The following CYP4F2 variants were observed in gnomAD, a reference collection of about 807,000 sequenced individuals.
The protein encoded by CYP4F2 is cytochrome P450 4F2.
In CYP4F2, 58 loss-of-function variants were observed where a neutral mutation model predicts 58.9. That is an observed-to-expected ratio of 0.98 (90% CI 0.80 to 1.23). The LOEUF is 1.23. Among genes scored for constraint, CYP4F2 ranks in the 50% most tolerant of loss-of-function variants. The pLI, the probability that CYP4F2 is intolerant of heterozygous loss-of-function variation, is 0.00. For missense variants in CYP4F2, 616 were observed against 685.6 expected, an observed-to-expected ratio of 0.90 and a Z score of 1.13; for synonymous variants, 287 against 261.1, an observed-to-expected ratio of 1.10 and a Z score of -0.95.
chr19:15,891,394 A>G (rs2145010796), intron 5 of CYP4F2, among the ~76,000 whole-genome samples: 1 of 152,216 alleles, frequency 6.6e-6, no homozygotes. Flanking sequence ...TTTGTCTCTG[A>G]CCCAGGAGTC....
chr19:15,896,230 T>TTAGC (rs1387483979), intron 2 of CYP4F2, among the ~76,000 whole-genome samples: 3 of 119,768 alleles, frequency 2.5e-5, no homozygotes, highest in South Asian at 3.1e-4. Context: ...ATCTATCCTA[T>TTAGC]TAGCTATCTA....
At chr19:15,879,144 G>A (rs1324129644) in intron 12 of CYP4F2, among the ~76,000 whole-genome samples, 2 of 152,170 alleles carry the variant, frequency 1.3e-5, no homozygotes, top group Non-Finnish European at 2.9e-5. Flanking sequence ...AGGTGGGGTA[G>A]GAGGGGGCTC....
intron 9 of CYP4F2, among the ~76,000 whole-genome samples, chr19:15,883,687 T>C (rs145709475): frequency 6.6e-6 from 1 of 152,236 alleles, no homozygotes; most frequent in Admixed American, 6.5e-5. Context: ...GAGATATCTA[T>C]ACTTCCGTAT....
chr19:15,891,464 T>TAA (rs139717116), intron 5 of CYP4F2, among the ~76,000 whole-genome samples: 1 of 150,126 alleles, frequency 6.7e-6, no homozygotes. Context: ...ATTTGCAAGT[T>TAA]AAAAAAAAAA....
At chr19:15,888,277 C>G (rs1463980012) in intron 7 of CYP4F2, among the ~76,000 whole-genome samples, 1 of 152,014 alleles carries the variant, frequency 6.6e-6, no homozygotes. Context: ...CAGATAGACA[C>G]AGACGCACAC....
At chr19:15,892,803 G>A (rs903317625) in intron 3 of CYP4F2, among the ~76,000 whole-genome samples, 6 of 152,158 alleles carry the variant, frequency 3.9e-5, no homozygotes, top group African/African-American at 1.2e-4. Flanking sequence ...CTAACATGGC[G>A]TGTAGGAGCT....
chr19:15,895,399 G>T, intron 3 of CYP4F2, 107 bp downstream of exon 3: 2 of 1,329,010 alleles, frequency 1.5e-6, no homozygotes, highest in Non-Finnish European at 2.0e-6. Flanking sequence ...ATAGCTGAGA[G>T]GGAAGGAAAG....
In CYP4F2 at chr19:15,878,812, C is replaced by A. The variant is rs775972932; in HGVS notation, c.1522G>T (p.Ala508Ser). 3.1e-6 allele frequency: 5 copies of A among 1,613,888 alleles called. No homozygotes were observed. The highest frequency in any genetic ancestry group is 2.2e-5 in the East Asian group (1 of 44,846). Residue 508 changes from alanine to serine, a missense_variant, in exon 13 of 13, where the codon GCA (alanine) becomes TCA (serine). Transcript: ENST00000221700. ...PRRKPELVLR[A>S]EGGLWLRVEP... ...ACCCGCAGCCAAAGTCCGCCCTCTG[C>A]GCGCAGGACCAGCTCCGGCTTCCTG...
chr19:15,892,279 C>T lies in CYP4F2; in HGVS notation c.525+30G>A, dbSNP rs369799609. The stretch of plus-strand genomic sequence containing the variant: ...CTGTTGTCCTTTCACCCCAAGGCTG[C>T]AAGTGGGACCTTGGCTTCAAATAAC... On this transcript the variant is annotated intron_variant, in intron 5 of 12. Transcript: ENST00000221700. 3.7e-6 allele frequency: 6 copies of T among 1,613,762 alleles called. No individual in the cohort carries two copies. In the African/African-American group the frequency reaches 8.0e-5, roughly 22 times the overall value.
At position 15,889,473 on chromosome 19, in the gene CYP4F2, T is replaced by G. The variant is rs781351264; in HGVS notation, c.868A>C (p.Lys290Gln). 2.5e-5 allele frequency: 41 copies of G among 1,614,170 alleles called. 1 individual carries two copies. The South Asian group carries it at 4.2e-4, about 16-fold the overall frequency. ...SQGVDDFLQA[K>Q]AKSKTLDFID... ...AAGTCCAAAGTCTTGGATTTGGCCT[T>G]GGCTTGGAGGAAGTCATCAACACCC... Residue 290 changes from lysine to glutamine, a missense_variant, in exon 7 of 13, where the codon AAG becomes CAG. Physicochemically the swap from Lys to Gln is moderately conservative, Grantham distance 53. Coordinates refer to ENST00000221700, the MANE Select transcript of CYP4F2 (RefSeq NM_001082.5).
At position 15,889,455 on chromosome 19, in the gene CYP4F2, A is replaced by G; in HGVS notation, c.886T>C (p.Leu296=). The G allele has an allele frequency of 6.2e-7, 1 of 1,614,084 alleles. No individual in the cohort carries two copies. Among genetic ancestry groups the G allele is most frequent in the South Asian group, 1.1e-5 (1 of 91,078 alleles). ...AGCAGGAGTACATCAATGAAGTCCA[A>G]AGTCTTGGATTTGGCCTTGGCTTGG... is the stretch of plus-strand genomic sequence containing the variant. The part of the protein sequence containing the change: ...FLQAKAKSKT[L]DFIDVLLLSK... Residue 296 remains leucine (L), a synonymous_variant, in exon 7 of 13, where the codon TTG becomes CTG. Transcript: ENST00000221700.
At chr19:15,879,552 C>G in intron 11 of CYP4F2, 52 bp downstream of exon 11, 15 of 1,611,466 alleles carry the variant, frequency 9.3e-6, no homozygotes, top group Non-Finnish European at 1.2e-5. Context: ...AAACCCTGCC[C>G]CCTCCTCTAG....
chr19:15,892,331 T>C lies in CYP4F2; in HGVS notation c.503A>G (p.Asn168Ser), dbSNP rs2089420875. Residue 168 changes from asparagine (N) to serine (S), a missense_variant, in exon 5 of 13, where the codon AAT becomes AGT. By Grantham distance (46) the Asn-to-Ser change is conservative (BLOSUM62 1). Transcript: ENST00000221700. Reference protein sequence around the residue: ...NILKPYMKIFNESVNIMHAKW... With the variant: ...NILKPYMKIFSESVNIMHAKW... Reference sequence around the variant, plus strand: ...CACGTGCATGATGTTCACACTCTCATTGAAAATCTTCATATAGGGCTTCAG... The same window carrying C: ...CACGTGCATGATGTTCACACTCTCACTGAAAATCTTCATATAGGGCTTCAG... The C allele has an allele frequency of 3.1e-6, 5 of 1,614,062 alleles. No homozygotes were observed. Among genetic ancestry groups the C allele is most frequent in the Non-Finnish European group, 4.2e-6 (5 of 1,180,044 alleles).
At position 15,890,181 on chromosome 19, in the gene CYP4F2, G is replaced by C. The variant is rs2089407942; in HGVS notation, c.647+131C>G. 4.1e-6 allele frequency: 6 copies of C among 1,468,076 alleles called. 1 individual carries two copies. In the South Asian group the frequency reaches 5.9e-5, roughly 15 times the overall value. The allele number at this position is 1,468,076 out of a possible 1,614,324, so 90.9% of individuals were successfully genotyped here. On this transcript the variant is annotated intron_variant, in intron 6 of 12. Transcript: ENST00000221700. ...AAACCTCAAGATAAAGTTCATACCA[G>C]TCCTTCAATGATCAGGTATAACAAA...
At chr19:15,897,318 T>TAC in intron 2 of CYP4F2, 96 bp downstream of exon 2, 24 of 1,112,502 alleles carry the variant, frequency 2.2e-5, no homozygotes, top group East Asian at 5.3e-5. Context: ...CCACCCCAGA[T>TAC]CCCAGCCCAC....
rs1303046687 is a variant in CYP4F2, at chr19:15,879,231, GA to G, written c.1397+114del. 3 of 1,418,914 alleles carry G rather than the reference GA, an allele frequency of 2.1e-6. No individual in the cohort carries two copies. The African/African-American group carries it at 4.3e-5, about 20-fold the overall frequency. 87.9% of individuals were successfully genotyped at this position (1,418,914 alleles called of 1,614,324 possible). On this transcript the variant is annotated intron_variant, in intron 12 of 12. Transcript: ENST00000221700. ...TTTTCCTATAAACTCCAGAGGAGGT[GA>G]GGGAAAGAGAGCTGGAACTTGGACC...
Position 15,879,587 on chromosome 19 carries a change from A to G in CYP4F2, c.1314+17T>C. 1 of 1,613,764 alleles carries G rather than the reference A, an allele frequency of 6.2e-7. No individual in the cohort carries two copies. Among genetic ancestry groups the G allele is most frequent in the Non-Finnish European group, 8.5e-7 (1 of 1,179,866 alleles). ...GGAGCCTTGGAATGGACAAAAACAG[A>G]GAGAGGGGCCCCGCACCTCAGGGTC... On this transcript the variant is annotated intron_variant, in intron 11 of 12. Coordinates refer to ENST00000221700, the MANE Select transcript of CYP4F2 (RefSeq NM_001082.5).
Position 15,890,431 on chromosome 19 carries a change from G to A in CYP4F2, c.528C>T (p.Ala176=), listed in dbSNP as rs1251744402. The change falls in exon 6 of 13, where the codon GCC becomes GCT. Residue 176 remains alanine (A), a splice_region_variant and synonymous_variant. Coordinates refer to ENST00000221700, the MANE Select transcript of CYP4F2 (RefSeq NM_001082.5). ...IFNESVNIMH[A]KWQLLASEGS... ...CCTCTGAGGCCAGGAGCTGCCACTT[G>A]GCCTAGCCAGAGAAGGGGACAGAGC... 6.2e-7 allele frequency: 1 copy of A among 1,613,832 alleles called. No individual in the cohort carries two copies. Among genetic ancestry groups the A allele is most frequent in the African/African-American group, 1.3e-5 (1 of 74,936 alleles).
intron 4 of CYP4F2, 35 bp downstream of exon 4, chr19:15,892,494 G>T (rs777029465): frequency 1.1e-5 from 18 of 1,613,934 alleles, no homozygotes; most frequent in Non-Finnish European, 1.5e-5. Context: ...GCCCCCCAAC[G>T]TTTTTCCCAA....
Sources: gnomAD v4.1 joint callset for allele counts (sites outside exome capture counted in the v4.1 genomes callset) on GRCh38, gnomAD v4.1.1 for gene constraint, MANE v1.5 for transcripts, NCBI Gene and HGNC (gene_info 2026-07-23, HGNC 2026-07-21) for gene names.